Variants in HLA-DRA observed in about 807,000 individuals in gnomAD.
The protein encoded by HLA-DRA is major histocompatibility complex, class II, DR alpha.
A neutral mutation model predicts 22.1 loss-of-function variants in HLA-DRA; 8 were observed. That is an observed-to-expected ratio of 0.36 (90% confidence interval 0.21 to 0.65). HLA-DRA has a LOEUF of 0.65. Among genes scored for constraint, HLA-DRA ranks in the 30% least tolerant of loss-of-function variants. HLA-DRA has a pLI of 0.63. For synonymous variants in HLA-DRA, 101 were observed against 117.1 expected (o/e 0.86, Z 0.89); for missense variants, 248 against 321.3 (o/e 0.77, Z 1.74).
intron 1 of HLA-DRA, among the ~76,000 whole-genome samples, chr6:32,440,721 A>G (rs1762564940): frequency 6.6e-6 from 1 of 152,216 alleles, no homozygotes; most frequent in Admixed American, 6.5e-5. Context: ...TAGAAAAATA[A>G]GTAAGGAAAT....
At chr6:32,442,967 A>G (rs575051169) in intron 2 of HLA-DRA, among the ~76,000 whole-genome samples, 1 of 152,268 alleles carries the variant, frequency 6.6e-6, no homozygotes, top group African/African-American at 2.4e-5. Context: ...GTCCTTGGAT[A>G]TCTTATACCT....
chr6:32,440,118 G>C, intron 1 of HLA-DRA, 86 bp downstream of exon 1: 1 of 1,156,878 alleles, frequency 8.6e-7, no homozygotes, highest in Non-Finnish European at 1.3e-6. Context: ...ATAATGTGTG[G>C]AGTGAAAGAA....
At chr6:32,443,066 C>A in intron 2 of HLA-DRA, 119 bp from the exon 3 acceptor site, 1 of 898,524 alleles carries the variant, frequency 1.1e-6, no homozygotes. Flanking sequence ...ACAATTTCAA[C>A]TACTTTTTCA....
chr6:32,444,872 T>C lies in HLA-DRA; in HGVS notation c.*232T>C, dbSNP rs1366103894. 6.5e-6 allele frequency: 1 copy of C among 154,364 alleles called. No homozygotes were observed. Among genetic ancestry groups the C allele is most frequent in the Non-Finnish European group, 1.5e-5 (1 of 68,194 alleles). 9.6% of individuals were successfully genotyped at this position (154,364 alleles called of 1,614,324 possible). ...TTGCCTTTTCCTGTATCTATTTTCC[T>C]CTATTTCCTATCATTTTATTATCAC... On this transcript the variant is annotated 3_prime_UTR_variant, in exon 5 of 5. Coordinates refer to ENST00000395388, the MANE Select transcript of HLA-DRA (RefSeq NM_019111.5).
intron 1 of HLA-DRA, among the ~76,000 whole-genome samples, chr6:32,441,781 A>G (rs960948092): frequency 1.3e-5 from 2 of 152,240 alleles, no homozygotes; most frequent in Non-Finnish European, 2.9e-5. Context: ...AAATGTAAAC[A>G]GTGCTTGTTA....
At position 32,443,156 on chromosome 6, in the gene HLA-DRA, T is replaced by C. The variant is rs563570821; in HGVS notation, c.329-29T>C. On this transcript the variant is annotated intron_variant, in intron 2 of 4. Transcript: ENST00000395388. ...GTGAGCCTAAGCAGTGATGGCTGATTTCTGTCATGTCTGTCATGTGTCCCC... is the reference window on the plus strand; with the variant it reads ...GTGAGCCTAAGCAGTGATGGCTGATCTCTGTCATGTCTGTCATGTGTCCCC... 1.7e-5 allele frequency: 27 copies of C among 1,598,062 alleles called. No homozygotes were observed. The South Asian group carries it at 1.9e-4, about 11-fold the overall frequency.
Position 32,442,662 on chromosome 6 carries a change from A to G in HLA-DRA, c.297A>G (p.Thr99=). 6.2e-7 allele frequency: 1 copy of G among 1,613,054 alleles called. No individual in the cohort carries two copies. Among genetic ancestry groups the G allele is most frequent in the Non-Finnish European group, 8.5e-7 (1 of 1,180,020 alleles). ...AVDKANLEIM[T]KRSNYTPITN... is the part of the protein sequence containing the mutation. Reference sequence around the variant, plus strand: ...ACAAAGCCAACCTGGAAATCATGACAAAGCGCTCCAACTATACTCCGATCA... The same window carrying G: ...ACAAAGCCAACCTGGAAATCATGACGAAGCGCTCCAACTATACTCCGATCA... Residue 99 remains threonine (T), a synonymous_variant, in exon 2 of 5, where the codon ACA becomes ACG. Transcript: ENST00000395388.
chr6:32,443,561 CAATT>C (rs1440758533), intron 3 of HLA-DRA, 95 bp downstream of exon 3: 2 of 1,232,800 alleles, frequency 1.6e-6, no homozygotes, highest in African/African-American at 3.0e-5. Flanking sequence ...ATATCTGCTA[CAATT>C]AATATAACTG....
rs962124507 is a variant in HLA-DRA, at chr6:32,443,531, G to A, written c.610+65G>A. The A allele has an allele frequency of 2.8e-6, 4 of 1,420,058 alleles. No homozygotes were observed. The Admixed American group carries it at 5.3e-5, about 19-fold the overall frequency. 88.0% of individuals were successfully genotyped at this position (1,420,058 alleles called of 1,614,324 possible). A position where few individuals can be genotyped will look rare whatever the true frequency, so the allele number is the denominator to read the frequency against. ...CTCCTATGATGCTTGTGTGAAACTC[G>A]GTGTTCTAACTGTTTCATAATATCT... On this transcript the variant is annotated intron_variant, in intron 3 of 4. Transcript: ENST00000395388.
intron 3 of HLA-DRA, 93 bp from the exon 4 acceptor site, chr6:32,443,663 T>C: frequency 1.5e-6 from 2 of 1,299,936 alleles, no homozygotes; most frequent in Non-Finnish European, 2.1e-6. Flanking sequence ...AATCTATGAA[T>C]AACTTTTCTC....
At chr6:32,441,829 C>T (rs1762640538) in intron 1 of HLA-DRA, among the ~76,000 whole-genome samples, 1 of 152,196 alleles carries the variant, frequency 6.6e-6, no homozygotes, top group Admixed American at 6.5e-5. Context: ...CTCACCTTAT[C>T]TCATTTAATC....
chr6:32,440,434 A>G (rs1397215774), intron 1 of HLA-DRA, among the ~76,000 whole-genome samples: 1 of 152,074 alleles, frequency 6.6e-6, no homozygotes, highest in Non-Finnish European at 1.5e-5. Context: ...TTAAATGAAA[A>G]AAAAAAAGTT....
At chr6:32,443,614 G>A in intron 3 of HLA-DRA, 142 bp from the exon 4 acceptor site, 1 of 1,137,904 alleles carries the variant, frequency 8.8e-7, no homozygotes, top group Non-Finnish European at 1.3e-6. Flanking sequence ...TTTTTAATCT[G>A]TAATTCTCTC....
At chr6:32,443,640 C>A in intron 3 of HLA-DRA, 116 bp from the exon 4 acceptor site, 1 of 1,190,836 alleles carries the variant, frequency 8.4e-7, no homozygotes, top group Non-Finnish European at 1.2e-6. Context: ...ATCATTCTGT[C>A]TTCCTCTTCT....
At chr6:32,441,453 A>G (rs1398635558) in intron 1 of HLA-DRA, among the ~76,000 whole-genome samples, 1 of 152,246 alleles carries the variant, frequency 6.6e-6, no homozygotes, top group Non-Finnish European at 1.5e-5. Flanking sequence ...CCACAGAGGC[A>G]GCATACTCTC....
intron 2 of HLA-DRA, 87 bp downstream of exon 2, chr6:32,442,780 C>T (rs1583327424): frequency 2.0e-6 from 3 of 1,516,766 alleles, no homozygotes; most frequent in African/African-American, 1.4e-5. Flanking sequence ...ATTATTGTAA[C>T]TGATTTTCCC....
chr6:32,441,817 TACTC>T (rs1173825764), intron 1 of HLA-DRA, among the ~76,000 whole-genome samples: 1 of 152,180 alleles, frequency 6.6e-6, no homozygotes, highest in Non-Finnish European at 1.5e-5. Context: ...ATTAAGAAAT[TACTC>T]ACCTTATCTC....
chr6:32,442,745 T>G (rs777968821), intron 2 of HLA-DRA, 52 bp downstream of exon 2: 1 of 1,599,374 alleles, frequency 6.3e-7, no homozygotes, highest in Admixed American at 1.7e-5. Flanking sequence ...AGTTTGAAAG[T>G]AGTTGCTTCA....
At chr6:32,442,797 G>C in intron 2 of HLA-DRA, 104 bp downstream of exon 2, 1 of 1,425,776 alleles carries the variant, frequency 7.0e-7, no homozygotes, top group Non-Finnish European at 9.6e-7. Flanking sequence ...TCCCTCCAAG[G>C]GTCTAACCTT....
Sources: allele counts gnomAD v4.1 joint callset (sites outside exome capture counted in the v4.1 genomes callset), GRCh38; gene constraint gnomAD v4.1.1; transcripts MANE v1.5; gene names NCBI Gene and HGNC (gene_info 2026-07-23, HGNC 2026-07-21).